ASIC2: variants seen among roughly 807,000 people sequenced by gnomAD.
ASIC2 encodes acid sensing ion channel subunit 2.
Under a neutral mutation model 57.3 loss-of-function variants are expected in ASIC2, and 25 were observed. The observed-to-expected ratio is 0.44, with a 90% CI of 0.32 to 0.61. The LOEUF (loss-of-function observed/expected upper bound fraction) is 0.61, where lower values mean the gene tolerates loss of function less well. Ranked by LOEUF, ASIC2 falls within the 20% of genes least tolerant of loss-of-function variation. The pLI is 0.06. For missense variants in ASIC2, 641 were observed against 738.1 expected (o/e 0.87, Z 1.52); for synonymous variants, 319 against 307.5 (o/e 1.04, Z -0.39).
chr17:33,778,071 C>G (rs187142646), intron 1 of ASIC2, among the ~76,000 whole-genome samples: 1 of 152,256 alleles, frequency 6.6e-6, no homozygotes, highest in Non-Finnish European at 1.5e-5. Flanking sequence ...CTCAATGTCC[C>G]CTTGGTATCA....
intron 1 of ASIC2, among the ~76,000 whole-genome samples, chr17:33,430,991 C>G (rs546174338): frequency 6.6e-6 from 1 of 152,054 alleles, no homozygotes. Context: ...GACCACAAGC[C>G]CTGCCTGGTC....
At chr17:33,387,635 C>T (rs758930442) in intron 1 of ASIC2, among the ~76,000 whole-genome samples, 97 of 152,320 alleles carry the variant, frequency 6.4e-4, no homozygotes, top group Admixed American at 3.5e-3. Context: ...TAAATGTCAC[C>T]TAATATGGCA....
chr17:33,742,352 A>C (rs541958454), intron 1 of ASIC2, among the ~76,000 whole-genome samples: 1 of 152,070 alleles, frequency 6.6e-6, no homozygotes, highest in East Asian at 1.9e-4. Flanking sequence ...TTTTTTTCTA[A>C]AGCTGGCTGG....
chr17:34,102,430 T>A (rs75344434), intron 1 of ASIC2, among the ~76,000 whole-genome samples: 2,296 of 152,292 alleles, frequency 0.015, 45 homozygotes, highest in African/African-American at 0.05. Flanking sequence ...AGAACACTCA[T>A]ATCTACAGAA....
intron 1 of ASIC2, among the ~76,000 whole-genome samples, chr17:33,601,471 G>T (rs1009894830): frequency 6.6e-6 from 1 of 152,202 alleles, no homozygotes; most frequent in African/African-American, 2.4e-5. Context: ...AGTGCAGCTC[G>T]TACTCCTGCT....
intron 1 of ASIC2, among the ~76,000 whole-genome samples, chr17:33,548,213 G>A (rs1479454192): frequency 6.6e-6 from 1 of 152,188 alleles, no homozygotes; most frequent in Non-Finnish European, 1.5e-5. Context: ...GCACATCAAG[G>A]AAAAGAGGTG....
intron 1 of ASIC2, among the ~76,000 whole-genome samples, chr17:34,106,704 A>G (rs574132735): frequency 2.0e-5 from 3 of 152,316 alleles, no homozygotes; most frequent in South Asian, 4.1e-4. Flanking sequence ...AAATTTGGTC[A>G]GTGAGAACTC....
In ASIC2 at chr17:33,279,021, C is replaced by T. The variant is rs150886006; in HGVS notation, c.708+12387G>A. 1.3e-3 allele frequency among the ~76,000 whole-genome samples: 196 copies of T among 152,324 alleles called. 1 individual carries two copies. The highest frequency in any genetic ancestry group is 2.3e-3 in the Non-Finnish European group (158 of 68,032). Reference sequence around the variant, plus strand: ...TTTGCGTGGTTGAAAGGGTGGAAAGCATCCCTTTGCCTACAGATGATTTAT... The same window carrying T: ...TTTGCGTGGTTGAAAGGGTGGAAAGTATCCCTTTGCCTACAGATGATTTAT... On this transcript the variant is annotated intron_variant, in intron 1 of 9. Transcript: ENST00000225823.
chr17:33,417,937 T>C (rs1006736131), intron 1 of ASIC2, among the ~76,000 whole-genome samples: 1 of 152,152 alleles, frequency 6.6e-6, no homozygotes, highest in Non-Finnish European at 1.5e-5. Flanking sequence ...CTACCCCTTC[T>C]GTGCTTGCAG....
intron 1 of ASIC2, among the ~76,000 whole-genome samples, chr17:33,571,228 C>T (rs989349455): frequency 3.9e-5 from 6 of 152,188 alleles, no homozygotes; most frequent in African/African-American, 1.4e-4. Flanking sequence ...CTCTCCTATA[C>T]ACTCTGTGAG....
At chr17:33,891,578 A>C (rs535403174) in intron 1 of ASIC2, among the ~76,000 whole-genome samples, 1 of 152,308 alleles carries the variant, frequency 6.6e-6, no homozygotes, top group South Asian at 2.1e-4. Flanking sequence ...TTCTTTGAGC[A>C]GTCACTTTAG....
intron 1 of ASIC2, among the ~76,000 whole-genome samples, chr17:33,716,482 G>C (rs1909222319): frequency 6.6e-6 from 1 of 152,186 alleles, no homozygotes; most frequent in African/African-American, 2.4e-5. Context: ...TGAGAGTTGG[G>C]CTCAAAGTGG....
intron 1 of ASIC2, among the ~76,000 whole-genome samples, chr17:33,676,978 G>A (rs761839664): frequency 9.2e-5 from 14 of 152,086 alleles, no homozygotes; most frequent in Non-Finnish European, 1.6e-4. Context: ...CCACTGCCTC[G>A]CTTGCACCTT....
At chr17:34,154,447 A>G (rs1904638108) in intron 1 of ASIC2, among the ~76,000 whole-genome samples, 1 of 152,294 alleles carries the variant, frequency 6.6e-6, no homozygotes, top group South Asian at 2.1e-4. Context: ...TCTTCCTCAC[A>G]AGGCTTAAAA....
At position 33,511,241 on chromosome 17, in the gene ASIC2, C is replaced by A. The variant is rs558723755; in HGVS notation, c.556-399174G>T. Among the ~76,000 whole-genome samples, 29 of 152,098 alleles carry A rather than the reference C, an allele frequency of 1.9e-4. No individual in the cohort carries two copies. In the South Asian group the frequency reaches 5.8e-3, roughly 31 times the overall value. On this transcript the variant is annotated intron_variant, in intron 1 of 9. Transcript: ENST00000359872. The stretch of plus-strand genomic sequence containing the variant: ...ATACAAAAGCAGGATGAGGACACAC[C>A]AAACTGACAAGCAGTGACTCTCCAA...
At chr17:33,283,656 C>A (rs1905045343) in intron 1 of ASIC2, among the ~76,000 whole-genome samples, 1 of 152,166 alleles carries the variant, frequency 6.6e-6, no homozygotes, top group Non-Finnish European at 1.5e-5. Context: ...TATATGGGGC[C>A]TTAAGAGACC....
Position 33,147,243 on chromosome 17 carries a change from T to C in ASIC2, c.709-35176A>G, listed in dbSNP as rs865941856. ...GGTAAAAACTGCAAAAAAAGCAGAC[T>C]TAAAAAGTAAATAAGAGAAGAGAGA... On this transcript the variant is annotated intron_variant, in intron 1 of 9. Coordinates refer to ENST00000225823, the MANE Select transcript of ASIC2 (RefSeq NM_183377.2). Among the ~76,000 whole-genome samples, 56 of 152,248 alleles carry C rather than the reference T, an allele frequency of 3.7e-4. No individual in the cohort carries two copies. In the Middle Eastern group the frequency reaches 0.01, roughly 28 times the overall value.
intron 1 of ASIC2, among the ~76,000 whole-genome samples, chr17:33,778,802 A>C (rs979968760): frequency 6.6e-6 from 1 of 152,212 alleles, no homozygotes; most frequent in Non-Finnish European, 1.5e-5. Flanking sequence ...TCTAGACTGC[A>C]TAGTGGATAC....
At chr17:34,091,350 T>C (rs937175045) in intron 1 of ASIC2, among the ~76,000 whole-genome samples, 8 of 152,234 alleles carry the variant, frequency 5.3e-5, no homozygotes, top group African/African-American at 1.9e-4. Context: ...GTGAGTCAAA[T>C]CTAAATAGCC....
Sources: gnomAD v4.1 joint callset for allele counts (sites outside exome capture counted in the v4.1 genomes callset) on GRCh38, gnomAD v4.1.1 for gene constraint, MANE v1.5 for transcripts, NCBI Gene and HGNC (gene_info 2026-07-23, HGNC 2026-07-21) for gene names.